Variants in CCDC83 observed in about 807,000 individuals in gnomAD.
CCDC83 encodes coiled-coil domain containing 83.
In CCDC83, 54 loss-of-function variants were observed where a neutral mutation model predicts 50.1. That is an observed-to-expected ratio of 1.08 (90% CI 0.87 to 1.35). The LOEUF is 1.35. Among genes scored for constraint, CCDC83 ranks in the 40% most tolerant of loss-of-function variants. CCDC83 has a pLI of 0.00. For missense variants in CCDC83, 518 were observed against 473.9 expected, an observed-to-expected ratio of 1.09 and a Z score of -0.86; for synonymous variants, 161 against 153.3, an observed-to-expected ratio of 1.05 and a Z score of -0.37.
rs2093398961 is a variant in CCDC83 at position 85,901,028 on chromosome 11, G to A, written c.672+2013G>A. ...TGCAATGAGCCAACATCCCATCAAT[G>A]CATTCCAGCCTGGGCGACAGAGCGA... On this transcript the variant is annotated intron_variant, in intron 7 of 10. Transcript: ENST00000342404. Among the ~76,000 whole-genome samples, 5 of 150,354 alleles carry A rather than the reference G, an allele frequency of 3.3e-5. No homozygotes were observed. The Admixed American group carries it at 3.3e-4, about 10-fold the overall frequency.
intron 2 of CCDC83, among the ~76,000 whole-genome samples, chr11:85,872,959 AT>A (rs2093247652): frequency 6.6e-6 from 1 of 152,080 alleles, no homozygotes; most frequent in Non-Finnish European, 1.5e-5. Flanking sequence ...ATTAGAAAGT[AT>A]AAAATTATGA....
At chr11:85,882,042 G>T (rs1293315524) in intron 3 of CCDC83, among the ~76,000 whole-genome samples, 2 of 151,958 alleles carry the variant, frequency 1.3e-5, no homozygotes, top group Non-Finnish European at 2.9e-5. Flanking sequence ...GGCCAGGCTT[G>T]CTGGCTCACA....
chr11:85,891,266 T>TC (rs1456393154), intron 5 of CCDC83, among the ~76,000 whole-genome samples: 3 of 152,182 alleles, frequency 2.0e-5, no homozygotes, highest in Non-Finnish European at 4.4e-5. Context: ...ACCTCATGGG[T>TC]CACCAGTCAG....
chr11:85,897,914 G>C (rs2135089986), intron 6 of CCDC83, among the ~76,000 whole-genome samples: 1 of 152,142 alleles, frequency 6.6e-6, no homozygotes, highest in African/African-American at 2.4e-5. Flanking sequence ...CCCAGCATTT[G>C]GGGAGGCCAA....
chr11:85,908,041 A>C (rs1368944470), intron 7 of CCDC83, among the ~76,000 whole-genome samples: 1 of 152,170 alleles, frequency 6.6e-6, no homozygotes, highest in African/African-American at 2.4e-5. Context: ...ATCTCTCAAC[A>C]TATGAGATCC....
At chr11:85,908,611 AC>A (rs1428750050) in intron 7 of CCDC83, among the ~76,000 whole-genome samples, 62 of 133,300 alleles carry the variant, frequency 4.7e-4, no homozygotes, top group Admixed American at 6.9e-4. Context: ...AGATAGATAG[AC>A]AGATAGAATT....
intron 3 of CCDC83, among the ~76,000 whole-genome samples, chr11:85,873,640 CTT>C (rs1481283409): frequency 4.7e-4 from 71 of 152,176 alleles, no homozygotes; most frequent in Non-Finnish European, 9.3e-4. Context: ...TTTTAAATCT[CTT>C]TGTCTTTTTT....
At chr11:85,905,358 C>T (rs576092015) in intron 7 of CCDC83, among the ~76,000 whole-genome samples, 8 of 151,204 alleles carry the variant, frequency 5.3e-5, no homozygotes, top group African/African-American at 1.9e-4. Flanking sequence ...AGGAGAATTG[C>T]TTGAACCCAG....
At position 85,857,752 on chromosome 11, in the gene CCDC83, A is replaced by G. The variant is rs187977741; in HGVS notation, c.-29+2168A>G. On this transcript the variant is annotated intron_variant, in intron 1 of 10. Coordinates refer to ENST00000342404, the MANE Select transcript of CCDC83 (RefSeq NM_001286159.2). ...AGCAGTGGTAGCAGGCTGTGGCGACATGGGCAAAGGCTGTGCCCAGGCCCT... is the reference window on the plus strand; with the variant it reads ...AGCAGTGGTAGCAGGCTGTGGCGACGTGGGCAAAGGCTGTGCCCAGGCCCT... Among the ~76,000 whole-genome samples, 23 of 152,298 alleles carry G rather than the reference A, an allele frequency of 1.5e-4. No individual in the cohort carries two copies. In the East Asian group the frequency reaches 4.4e-3, roughly 29 times the overall value.
At chr11:85,905,624 A>C (rs2093422013) in intron 7 of CCDC83, among the ~76,000 whole-genome samples, 1 of 150,992 alleles carries the variant, frequency 6.6e-6, no homozygotes, top group African/African-American at 2.4e-5. Context: ...AAAATAAAAA[A>C]AAAAAAGGTA....
In CCDC83 at chr11:85,869,497, C is replaced by T. The variant is rs190812986; in HGVS notation, c.96-3714C>T. On this transcript the variant is annotated intron_variant, in intron 2 of 10. Transcript: ENST00000342404. The stretch of plus-strand genomic sequence containing the variant: ...TTTGGAATTCAAATTTATTTGTTTT[C>T]CTTCCCAGAATTTTCAATGAAATTG... 2.0e-3 allele frequency among the ~76,000 whole-genome samples: 297 copies of T among 152,222 alleles called. 1 individual carries two copies. The highest frequency in any genetic ancestry group is 6.8e-3 in the African/African-American group (283 of 41,528).
Position 85,884,561 on chromosome 11 carries a change from G to T in CCDC83, c.344-1639G>T, listed in dbSNP as rs145381791. Among the ~76,000 whole-genome samples, 130 of 152,322 alleles carry T rather than the reference G, an allele frequency of 8.5e-4. 1 individual carries two copies. The highest frequency in any genetic ancestry group is 3.0e-3 in the African/African-American group (126 of 41,574). ...GTCAAACTAGCCTAAGCATAAAGGG[G>T]ATGTTAGTCTTTTCACATCACTTAA... On this transcript the variant is annotated intron_variant, in intron 4 of 10. Transcript: ENST00000342404.
At chr11:85,915,331 C>G (rs1319579714) in intron 8 of CCDC83, 88 bp from the exon 9 acceptor site, 1 of 914,424 alleles carries the variant, frequency 1.1e-6, no homozygotes, top group Non-Finnish European at 1.7e-6. Flanking sequence ...CTATGCATTT[C>G]TAGCACCTAG....
chr11:85,892,325 A>G (rs888973202), intron 5 of CCDC83, among the ~76,000 whole-genome samples: 1 of 152,166 alleles, frequency 6.6e-6, no homozygotes, highest in African/African-American at 2.4e-5. Context: ...AGACTTTTAC[A>G]TGCCCCACTT....
At chr11:85,889,507 G>A (rs2093341915) in intron 5 of CCDC83, among the ~76,000 whole-genome samples, 1 of 152,244 alleles carries the variant, frequency 6.6e-6, no homozygotes, top group Admixed American at 6.5e-5. Flanking sequence ...ATGGGCTTGT[G>A]TTATTTTCCA....
At chr11:85,877,805 A>G (rs1283583194) in intron 3 of CCDC83, among the ~76,000 whole-genome samples, 1 of 152,192 alleles carries the variant, frequency 6.6e-6, no homozygotes, top group Non-Finnish European at 1.5e-5. Flanking sequence ...TTTACTTAGG[A>G]TTCAAAACAT....
intron 1 of CCDC83, among the ~76,000 whole-genome samples, chr11:85,856,566 T>G (rs1004539222): frequency 2.6e-5 from 4 of 152,216 alleles, no homozygotes; most frequent in African/African-American, 9.6e-5. Context: ...GACGGACTAA[T>G]TTTAAAGCTA....
chr11:85,876,643 T>A (rs1680948248), intron 3 of CCDC83, among the ~76,000 whole-genome samples: 1 of 152,248 alleles, frequency 6.6e-6, no homozygotes, highest in Non-Finnish European at 1.5e-5. Flanking sequence ...TAGCTGGGAT[T>A]ACAGGCATGC....
At chr11:85,917,948 A>G (rs2093490159) in intron 10 of CCDC83, 1 of 152,230 alleles carries the variant, frequency 6.6e-6, no homozygotes, top group African/African-American at 2.4e-5. Context: ...TGCCATGGCC[A>G]TGGTGTATTA....
Sources: gnomAD v4.1 joint callset for allele counts (sites outside exome capture counted in the v4.1 genomes callset) on GRCh38, gnomAD v4.1.1 for gene constraint, MANE v1.5 for transcripts, NCBI Gene and HGNC (gene_info 2026-07-23, HGNC 2026-07-21) for gene names.